The following EDARADD variants were observed in gnomAD, a reference collection of about 807,000 sequenced individuals.
The protein encoded by EDARADD is EDAR associated via death domain, also known as ectodysplasin-A receptor-associated adapter protein.
In EDARADD, 20 loss-of-function variants were observed where a neutral mutation model predicts 25.6. The ratio of observed to expected loss-of-function variants is 0.78; its 90% CI spans 0.55 to 1.14. The LOEUF (loss-of-function observed/expected upper bound fraction) is 1.14. EDARADD is among the 50% of genes most tolerant of loss of function. The pLI, the probability that EDARADD is intolerant of heterozygous loss-of-function variation, is 0.00. For missense variants in EDARADD, 225 were observed against 270.1 expected (o/e 0.83, Z 1.17); for synonymous variants, 86 against 94.4 (o/e 0.91, Z 0.52).
At chr1:236,466,670 G>T (rs1659199415) in intron 4 of EDARADD, among the ~76,000 whole-genome samples, 1 of 152,204 alleles carries the variant, frequency 6.6e-6, no homozygotes, top group African/African-American at 2.4e-5. Flanking sequence ...ATCTAGGCTT[G>T]TGGTTAGGTG....
chr1:236,404,718 G>A (rs1007822626), intron 1 of EDARADD, among the ~76,000 whole-genome samples: 3 of 151,990 alleles, frequency 2.0e-5, no homozygotes, highest in African/African-American at 7.2e-5. Flanking sequence ...TGGGAGGATC[G>A]CTTGTGCTTG....
At position 236,398,021 on chromosome 1, in the gene EDARADD, C is replaced by T. The variant is rs146605327; in HGVS notation, c.61+3516C>T. On this transcript the variant is annotated intron_variant, in intron 1 of 5. Coordinates refer to ENST00000334232, the MANE Select transcript of EDARADD (RefSeq NM_145861.4). The surrounding 1 kb of genome is among the most constrained non-coding windows in gnomAD (Gnocchi z 4.1). Reference sequence around the variant, plus strand: ...CGCCTGATTTCCCACACTCTTCTCCCGCCTGGTGTTTTCACACCATTCCAA... The same window carrying T: ...CGCCTGATTTCCCACACTCTTCTCCTGCCTGGTGTTTTCACACCATTCCAA... Among the ~76,000 whole-genome samples, 7 of 152,328 alleles carry T rather than the reference C, an allele frequency of 4.6e-5. No individual in the cohort carries two copies. In the South Asian group the frequency reaches 6.2e-4, roughly 14 times the overall value.
In EDARADD at chr1:236,484,612, G is replaced by C; in HGVS notation, c.*1963G>C. ...ACCCTTGCCCACCGCCGTGGAGTTC[G>C]CACCTCTTCCTTAGAACTTCTACAG... On this transcript the variant is annotated 3_prime_UTR_variant, in exon 6 of 6. Transcript: ENST00000334232. The surrounding 1 kb of genome is among the most constrained non-coding windows in gnomAD (Gnocchi z 4.1). 1 of 603,546 alleles carries C rather than the reference G, an allele frequency of 1.7e-6. No homozygotes were observed. Among genetic ancestry groups the C allele is most frequent in the East Asian group, 3.1e-5 (1 of 32,140 alleles). The allele number at this position is 603,546 out of a possible 1,614,324, so 37.4% of individuals were successfully genotyped here.
At chr1:236,397,785 C>G (rs1038890131) in intron 1 of EDARADD, among the ~76,000 whole-genome samples, 1 of 152,156 alleles carries the variant, frequency 6.6e-6, no homozygotes, top group Non-Finnish European at 1.5e-5. Context: ...AATGTCCATT[C>G]CCGCTCTGGG....
chr1:236,473,093 G>C (rs937359502), intron 5 of EDARADD, among the ~76,000 whole-genome samples: 1 of 152,182 alleles, frequency 6.6e-6, no homozygotes, highest in South Asian at 2.1e-4. Context: ...CACCTGCTGT[G>C]TGCCTGGTGT....
Position 236,484,547 on chromosome 1 carries a change from A to AC in EDARADD, c.*1903dup, listed in dbSNP as rs1659777552. ...CTTGTGTCAACTCCGGCAGCTCAAG[A>AC]CCCCCGAGCAACATTTGTAGGGGCC... On this transcript the variant is annotated 3_prime_UTR_variant, in exon 6 of 6. Coordinates refer to ENST00000334232, the MANE Select transcript of EDARADD (RefSeq NM_145861.4). This position sits in a 1 kb window ranked among gnomAD's most constrained non-coding sequence, Gnocchi z 4.1. 1 of 1,201,180 alleles carries AC rather than the reference A, an allele frequency of 8.3e-7. No individual in the cohort carries two copies. The highest frequency in any genetic ancestry group is 2.4e-5 in the East Asian group (1 of 41,866). The allele number at this position is 1,201,180 out of a possible 1,614,324, so 74.4% of individuals were successfully genotyped here.
chr1:236,381,415 T>G (rs1423056005), intron 3 of EDARADD, among the ~76,000 whole-genome samples: 2 of 152,138 alleles, frequency 1.3e-5, no homozygotes, highest in Non-Finnish European at 1.5e-5. Context: ...CATATAAGCT[T>G]GTGCTATTTT....
At chr1:236,405,790 T>TTTTTCTTTCTTTC (rs1553265475) in intron 1 of EDARADD, among the ~76,000 whole-genome samples, 1 of 49,558 alleles carries the variant, frequency 2.0e-5, no homozygotes, top group African/African-American at 6.7e-5. Flanking sequence ...TCTTTCTTTC[T>TTTTTCTTTCTTTC]TTTCTTTTTC....
At chr1:236,457,793 T>C (rs1474374646) in intron 4 of EDARADD, among the ~76,000 whole-genome samples, 1 of 142,084 alleles carries the variant, frequency 7.0e-6, no homozygotes, top group Non-Finnish European at 1.5e-5. Context: ...CACTCCAGCC[T>C]GGGTGACAGA....
Position 236,427,976 on chromosome 1 carries a change from TA to T in EDARADD, c.219+527del, listed in dbSNP as rs71559956. The stretch of plus-strand genomic sequence containing the variant: ...TTAATTTATTTATTTTATTTTATTT[TA>T]TTTTTTTAGTATTTATTGATCATTC... On this transcript the variant is annotated intron_variant, in intron 4 of 5. Transcript: ENST00000334232. Among the ~76,000 whole-genome samples the T allele has an allele frequency of 9.5e-4, 42 of 44,390 alleles. No homozygotes were observed. In the South Asian group the frequency reaches 0.016, roughly 17 times the overall value. The allele number at this position is 44,390 out of a possible 152,430, so 29.1% of individuals were successfully genotyped here.
chr1:236,391,606 G>A (rs1667426104), upstream of EDARADD, among the ~76,000 whole-genome samples: 1 of 152,170 alleles, frequency 6.6e-6, no homozygotes, highest in South Asian at 2.1e-4. Context: ...GGTTTTATCT[G>A]TATGGAATGT....
At chr1:236,446,970 A>G (rs1238600295) in intron 4 of EDARADD, among the ~76,000 whole-genome samples, 3 of 152,184 alleles carry the variant, frequency 2.0e-5, no homozygotes, top group African/African-American at 7.2e-5. Flanking sequence ...AACAAAAGAC[A>G]AGACCTCTGT....
At chr1:236,469,117 T>C (rs1558135565) in intron 5 of EDARADD, among the ~76,000 whole-genome samples, 3 of 152,162 alleles carry the variant, frequency 2.0e-5, no homozygotes, top group Non-Finnish European at 2.9e-5. Flanking sequence ...ACAGACATGT[T>C]TGCAATGTTT....
chr1:236,472,126 G>A (rs186515833), intron 5 of EDARADD, among the ~76,000 whole-genome samples: 1 of 152,248 alleles, frequency 6.6e-6, no homozygotes, highest in Non-Finnish European at 1.5e-5. Flanking sequence ...TGGAGAGGAG[G>A]GAGGTGGGGG....
intron 3 of EDARADD, among the ~76,000 whole-genome samples, chr1:236,357,006 C>T (rs1666985650): frequency 6.6e-6 from 1 of 152,042 alleles, no homozygotes. Context: ...ATTGCTTGAA[C>T]CCAGGAGGGG....
chr1:236,417,249 G>A (rs1177879745), intron 3 of EDARADD, among the ~76,000 whole-genome samples: 3 of 152,182 alleles, frequency 2.0e-5, no homozygotes, highest in African/African-American at 4.8e-5. Context: ...AGACTAGGAC[G>A]CCAACGTTTA....
At chr1:236,396,787 A>C (rs1412236948) in intron 1 of EDARADD, among the ~76,000 whole-genome samples, 1 of 151,480 alleles carries the variant, frequency 6.6e-6, no homozygotes, top group Non-Finnish European at 1.5e-5. Context: ...CCATCCCCAT[A>C]CCTATTGTTT....
chr1:236,477,973 G>C (rs1212476133), intron 5 of EDARADD, among the ~76,000 whole-genome samples: 1 of 151,930 alleles, frequency 6.6e-6, no homozygotes, highest in Non-Finnish European at 1.5e-5. Flanking sequence ...TGTGATGGTG[G>C]GTGCCTGTAG....
intron 1 of EDARADD, among the ~76,000 whole-genome samples, chr1:236,405,620 C>T (rs867640818): frequency 1.3e-5 from 2 of 152,040 alleles, no homozygotes; most frequent in South Asian, 2.1e-4. Context: ...CACTGAGGAC[C>T]GGTCCTTCCT....
Sources: gnomAD v4.1 joint callset for allele counts (sites outside exome capture counted in the v4.1 genomes callset) on GRCh38, gnomAD v4.1.1 for gene constraint, Gnocchi (gnomAD v3.1) non-coding constraint, MANE v1.5 for transcripts, NCBI Gene and HGNC (gene_info 2026-07-23, HGNC 2026-07-21) for gene names.